Variants in C4orf50 observed in about 807,000 individuals in gnomAD.
C4orf50 encodes chromosome 4 open reading frame 50.
In C4orf50, 80 loss-of-function variants were observed where a neutral mutation model predicts 77.2. That is an observed-to-expected ratio of 1.04 (90% confidence interval 0.87 to 1.25). The LOEUF is 1.25. Among genes scored for constraint, C4orf50 ranks in the 50% most tolerant of loss-of-function variants. C4orf50 has a pLI of 0.00. For synonymous variants in C4orf50, 532 were observed against 465.3 expected (o/e 1.14, Z -1.84); for missense variants, 1,257 against 1,152.9 (o/e 1.09, Z -1.31).
chr4:5,903,433 G>A (rs1052791453), intron 7 of C4orf50: 4 of 152,150 alleles, frequency 2.6e-5, no homozygotes, highest in African/African-American at 9.7e-5. Context: ...ACAAAATGTG[G>A]TACATCCACA....
chr4:5,959,376 T>C lies in C4orf50; in HGVS notation c.4526A>G (p.Ter1509=), dbSNP rs545217746. 18 of 1,612,998 alleles carry C rather than the reference T, an allele frequency of 1.1e-5. No individual in the cohort carries two copies. The South Asian group carries it at 1.9e-4, about 17-fold the overall frequency. ...GGCTCCGGAGAATGAGTGGCCCTAT[T>C]ACATTTCTAACTCCAGCGGTGATTT... The change falls in exon 34 of 34, where the codon TAA becomes TGA. Residue 1509 remains the stop codon, a stop_retained_variant. Coordinates refer to ENST00000531445, the Ensembl canonical transcript of C4orf50.
In C4orf50 at chr4:5,967,548, G is replaced by T. The variant is rs984826781; in HGVS notation, c.4105-86C>A. The stretch of plus-strand genomic sequence containing the variant: ...GAAGACTGCAATTGGACCAAGCAGG[G>T]CCATCACCCCTCCCCGCAAAAAACC... On this transcript the variant is annotated intron_variant, in intron 31 of 33. Coordinates refer to ENST00000531445, the Ensembl canonical transcript of C4orf50. The T allele has an allele frequency of 7.2e-6, 9 of 1,250,682 alleles. No individual in the cohort carries two copies. The African/African-American group carries it at 1.2e-4, about 16-fold the overall frequency. 77.5% of individuals were successfully genotyped at this position (1,250,682 alleles called of 1,614,324 possible).
chr4:5,990,932 AG>A, intron 27 of C4orf50, 108 bp from the exon 6 acceptor site: 1 of 397,948 alleles, frequency 2.5e-6, no homozygotes. Context: ...CCAGCTGCAC[AG>A]GGGACAAGCT....
At chr4:5,965,249 C>T in intron 32 of C4orf50, 104 bp from the exon 11 acceptor site, 1 of 1,229,990 alleles carries the variant, frequency 8.1e-7, no homozygotes, top group Admixed American at 2.4e-5. Flanking sequence ...TAGCCATTCC[C>T]AGATCATTCC....
chr4:5,965,514 C>T (rs1266193199), intron 32 of C4orf50, among the ~76,000 whole-genome samples: 1 of 152,164 alleles, frequency 6.6e-6, no homozygotes, highest in Non-Finnish European at 1.5e-5. Flanking sequence ...CAGAAATGTC[C>T]AACAAAAAAA....
chr4:6,003,860 G>GTGATGGTGATGATGGTGA (rs59371299), intron 25 of C4orf50, among the ~76,000 whole-genome samples: 15,653 of 57,416 alleles, frequency 0.27, 3,539 homozygotes, highest in East Asian at 0.79. Flanking sequence ...GGTGATGATG[G>GTGATGGTGATGATGGTGA]TGATGGTGAT....
chr4:5,968,164 T>C (rs903387217), intron 31 of C4orf50, among the ~76,000 whole-genome samples: 11 of 152,178 alleles, frequency 7.2e-5, no homozygotes, highest in African/African-American at 1.9e-4. Context: ...TAGGAGGCCA[T>C]CTCCCTGTCT....
intron 32 of C4orf50, among the ~76,000 whole-genome samples, chr4:5,966,204 A>G (rs1719554928): frequency 1.3e-5 from 2 of 152,230 alleles, no homozygotes; most frequent in South Asian, 4.1e-4. Flanking sequence ...GGCCGGGTGC[A>G]GTGGCTCATG....
chr4:5,990,148 G>A, exon 28 of C4orf50: 1 of 1,261,144 alleles, frequency 7.9e-7, no homozygotes, highest in Non-Finnish European at 1.0e-6. Context: ...CTTTGATACT[G>A]AGGCCTCCCC....
chr4:5,909,495 G>A (rs1716702150), intron 7 of C4orf50, among the ~76,000 whole-genome samples: 1 of 152,088 alleles, frequency 6.6e-6, no homozygotes, highest in South Asian at 2.1e-4. Context: ...CCTTTGCTGT[G>A]CAGGAACCTT....
intron 28 of C4orf50, among the ~76,000 whole-genome samples, chr4:5,986,471 G>C (rs1720865273): frequency 6.6e-6 from 1 of 151,440 alleles, no homozygotes; most frequent in Admixed American, 6.6e-5. Flanking sequence ...GTTGTTGCTT[G>C]TTTTTATTTC....
At chr4:5,917,292 T>C (rs1717068698) in intron 7 of C4orf50, among the ~76,000 whole-genome samples, 1 of 152,100 alleles carries the variant, frequency 6.6e-6, no homozygotes, top group Non-Finnish European at 1.5e-5. Context: ...AATGTGTTTG[T>C]GAACCATAAT....
exon 28 of C4orf50, chr4:5,988,383 C>A (rs4689287): frequency 0.33 from 533,903 of 1,613,420 alleles, 92,633 homozygotes; most frequent in East Asian, 0.65. Flanking sequence ...GAGCTTGCCC[C>A]TGAGCCACAG....
intron 28 of C4orf50, among the ~76,000 whole-genome samples, chr4:5,987,901 G>A (rs1231828880): frequency 2.6e-5 from 4 of 152,126 alleles, no homozygotes; most frequent in Non-Finnish European, 5.9e-5. Flanking sequence ...CACAGAGCCG[G>A]GTTGGAACCT....
chr4:5,939,611 C>T (rs750466904), intron 7 of C4orf50, among the ~76,000 whole-genome samples: 1 of 152,198 alleles, frequency 6.6e-6, no homozygotes, highest in African/African-American at 2.4e-5. Flanking sequence ...ATTCCATTTC[C>T]TACTCCCCAC....
At chr4:5,906,591 T>C (rs1429442062) in intron 7 of C4orf50, among the ~76,000 whole-genome samples, 1 of 152,120 alleles carries the variant, frequency 6.6e-6, no homozygotes, top group Non-Finnish European at 1.5e-5. Context: ...GTGCACAGCA[T>C]CCCTTTGCAG....
exon 28 of C4orf50, chr4:5,988,564 C>T: frequency 6.5e-7 from 1 of 1,536,826 alleles, no homozygotes; most frequent in Non-Finnish European, 8.7e-7. Context: ...TCCTGTCTGC[C>T]CTGCAGCCAG....
downstream of C4orf50, among the ~76,000 whole-genome samples, chr4:5,955,391 A>C (rs1718911318): frequency 6.6e-6 from 1 of 152,102 alleles, no homozygotes; most frequent in Non-Finnish European, 1.5e-5. This position sits in a 1 kb window ranked among gnomAD's most constrained non-coding sequence, Gnocchi z 5.1. Flanking sequence ...CCAGCGTTAC[A>C]GGGGAAAGGA....
intron 29 of C4orf50, among the ~76,000 whole-genome samples, chr4:5,978,134 C>A: frequency 6.6e-6 from 1 of 152,202 alleles, no homozygotes; most frequent in East Asian, 1.9e-4. Flanking sequence ...CTCCCACTAA[C>A]TAGGATGTCT....
Sources: allele counts gnomAD v4.1 joint callset (sites outside exome capture counted in the v4.1 genomes callset), GRCh38; gene constraint gnomAD v4.1.1; non-coding constraint Gnocchi (gnomAD v3.1); transcripts MANE v1.5; gene names NCBI Gene and HGNC (gene_info 2026-07-23, HGNC 2026-07-21).